The following NR2F1-AS1 variants were observed in gnomAD, a reference collection of about 807,000 sequenced individuals.
NR2F1-AS1 encodes the protein NR2F1 regulatory antisense RNA 1.
At chr5:93,556,553 C>CT (rs779861352) in intron 2 of NR2F1-AS1, among the ~76,000 whole-genome samples, 1 of 152,160 alleles carries the variant, frequency 6.6e-6, no homozygotes, top group Non-Finnish European at 1.5e-5. Context: ...GAGACAGGAT[C>CT]TTTGCAAATA....
intron 4 of NR2F1-AS1, among the ~76,000 whole-genome samples, chr5:93,537,066 C>T (rs1751855152): frequency 6.6e-6 from 1 of 152,160 alleles, no homozygotes; most frequent in Non-Finnish European, 1.5e-5. Context: ...TCCAATAAAC[C>T]TCTTTATTTC....
At chr5:93,567,886 T>A (rs1752653638) in intron 1 of NR2F1-AS1, among the ~76,000 whole-genome samples, 1 of 152,194 alleles carries the variant, frequency 6.6e-6, no homozygotes, top group Admixed American at 6.5e-5. Flanking sequence ...CGTTTTTAAA[T>A]AATTAGCATC....
chr5:93,497,438 G>A (rs929627544), intron 4 of NR2F1-AS1, among the ~76,000 whole-genome samples: 3 of 152,278 alleles, frequency 2.0e-5, no homozygotes, highest in African/African-American at 4.8e-5. Flanking sequence ...TGGTTTACAG[G>A]TTGTGAGAAA....
intron 4 of NR2F1-AS1, among the ~76,000 whole-genome samples, chr5:93,458,909 G>A (rs1750022665): frequency 6.6e-6 from 1 of 152,114 alleles, no homozygotes; most frequent in Admixed American, 6.6e-5. Flanking sequence ...CTACTCGGGA[G>A]GCTGAGACAA....
intron 4 of NR2F1-AS1, among the ~76,000 whole-genome samples, chr5:93,451,088 A>G (rs1749819850): frequency 6.6e-6 from 1 of 152,082 alleles, no homozygotes; most frequent in African/African-American, 2.4e-5. Context: ...GATTTAATTT[A>G]CTATCATCCA....
At chr5:93,428,982 T>C (rs1749252297) in intron 4 of NR2F1-AS1, among the ~76,000 whole-genome samples, 1 of 152,164 alleles carries the variant, frequency 6.6e-6, no homozygotes, top group Non-Finnish European at 1.5e-5. Flanking sequence ...AATAATATTA[T>C]GGCTTTGTAG....
intron 4 of NR2F1-AS1, among the ~76,000 whole-genome samples, chr5:93,477,447 A>G (rs768103445): frequency 1.3e-5 from 2 of 152,214 alleles, no homozygotes; most frequent in Admixed American, 6.5e-5. Context: ...ATTTTTCATG[A>G]TATAGCTAAT....
intron 4 of NR2F1-AS1, among the ~76,000 whole-genome samples, chr5:93,529,854 T>C (rs1580306927): frequency 6.6e-6 from 1 of 152,166 alleles, no homozygotes; most frequent in South Asian, 2.1e-4. Context: ...GTGTGATAAG[T>C]CTTAAGAGTT....
chr5:93,556,482 G>A (rs1752358855), intron 2 of NR2F1-AS1, among the ~76,000 whole-genome samples: 1 of 152,124 alleles, frequency 6.6e-6, no homozygotes, highest in African/African-American at 2.4e-5. Flanking sequence ...GGGTTGAATT[G>A]TTTCCCCCCA....
intron 1 of NR2F1-AS1, chr5:93,563,526 G>C (rs1410412534): frequency 3.9e-5 from 6 of 152,110 alleles, no homozygotes; most frequent in African/African-American, 1.4e-4. Flanking sequence ...ATATTTGCTG[G>C]AATTTTCTAT....
exon 1 of NR2F1-AS1, chr5:93,580,617 T>C (rs746008103): frequency 4.2e-4 from 65 of 153,028 alleles, no homozygotes; most frequent in Non-Finnish European, 7.0e-4. Flanking sequence ...CCTTCGTCTC[T>C]CTCCGCGTTC....
chr5:93,548,409 A>G (rs923583328), intron 4 of NR2F1-AS1, among the ~76,000 whole-genome samples: 2 of 152,218 alleles, frequency 1.3e-5, no homozygotes, highest in Non-Finnish European at 2.9e-5. Flanking sequence ...TGTCTACAGA[A>G]GAACAACAAT....
intron 1 of NR2F1-AS1, among the ~76,000 whole-genome samples, chr5:93,565,376 A>T (rs1247801608): frequency 1.3e-5 from 2 of 152,208 alleles, no homozygotes; most frequent in East Asian, 3.8e-4. Flanking sequence ...TTCTAACAAC[A>T]GTCACAGCTC....
At chr5:93,441,287 G>A (rs1053130935) in intron 4 of NR2F1-AS1, among the ~76,000 whole-genome samples, 3 of 152,148 alleles carry the variant, frequency 2.0e-5, no homozygotes, top group African/African-American at 7.2e-5. Context: ...AAAGACCTGA[G>A]GTACTTCTGG....
intron 4 of NR2F1-AS1, among the ~76,000 whole-genome samples, chr5:93,424,464 T>G (rs1018564551): frequency 1.3e-5 from 2 of 152,120 alleles, no homozygotes; most frequent in Non-Finnish European, 2.9e-5. Context: ...ACACTTCCCA[T>G]TCTCACCCCA....
chr5:93,494,440 G>A (rs779223250), intron 4 of NR2F1-AS1, among the ~76,000 whole-genome samples: 5 of 152,148 alleles, frequency 3.3e-5, no homozygotes, highest in Non-Finnish European at 7.4e-5. Context: ...AAGACCACCA[G>A]CCTGGTCAAC....
intron 4 of NR2F1-AS1, among the ~76,000 whole-genome samples, chr5:93,494,399 C>A (rs1008763694): frequency 1.3e-5 from 2 of 152,136 alleles, no homozygotes; most frequent in Non-Finnish European, 2.9e-5. Flanking sequence ...TGGGAGGGCA[C>A]TTTGGGATGA....
In NR2F1-AS1 at chr5:93,471,293, T is replaced by C. The variant is rs542841920; in HGVS notation, n.639-75751A>G. ...TTCTGGAAAGCAATTTGGTAAGATA[T>C]GTTGTGTTAATGTTCATTCTCTCTG... On this transcript the variant is annotated intron_variant and non_coding_transcript_variant, in intron 4 of 5. Coordinates refer to ENST00000660523, the Ensembl canonical transcript of NR2F1-AS1. Among the ~76,000 whole-genome samples, 13 of 152,010 alleles carry C rather than the reference T, an allele frequency of 8.6e-5. 1 individual carries two copies. Among genetic ancestry groups the C allele is most frequent in the African/African-American group, 3.1e-4 (13 of 41,566 alleles).
At chr5:93,527,614 A>G (rs1391905045) in intron 4 of NR2F1-AS1, among the ~76,000 whole-genome samples, 3 of 152,190 alleles carry the variant, frequency 2.0e-5, no homozygotes, top group South Asian at 2.1e-4. Flanking sequence ...AGGCTACAGT[A>G]ACCAAAACAG....
Sources: gnomAD v4.1 joint callset for allele counts (sites outside exome capture counted in the v4.1 genomes callset) on GRCh38, gnomAD v4.1.1 for gene constraint, MANE v1.5 for transcripts, NCBI Gene and HGNC (gene_info 2026-07-23, HGNC 2026-07-21) for gene names.